PCDH9: variants seen among roughly 807,000 people sequenced by gnomAD.
PCDH9 encodes the protein protocadherin 9.
In PCDH9, 24 loss-of-function variants were observed where a neutral mutation model predicts 70.6. The ratio of observed to expected loss-of-function variants is 0.34; its 90% CI spans 0.25 to 0.48. PCDH9 has a LOEUF of 0.48. PCDH9 is among the 20% of genes least tolerant of loss of function. The pLI is 0.99. For missense variants in PCDH9, 1,281 were observed against 1,503.6 expected (o/e 0.85, Z 2.45); for synonymous variants, 562 against 558.5 (o/e 1.01, Z -0.09).
intron 3 of PCDH9, among the ~76,000 whole-genome samples, chr13:66,798,929 C>G (rs2080286237): frequency 6.6e-6 from 1 of 152,008 alleles, no homozygotes; most frequent in East Asian, 1.9e-4. Context: ...ATTCTCATGC[C>G]TCAACATCCT....
intron 3 of PCDH9, among the ~76,000 whole-genome samples, chr13:66,662,317 A>G (rs2078021868): frequency 6.6e-6 from 1 of 151,974 alleles, no homozygotes; most frequent in Non-Finnish European, 1.5e-5. Flanking sequence ...TACTAAAAAT[A>G]CAAAAATTAG....
chr13:66,408,535 A>AT (rs1486968521), intron 4 of PCDH9, among the ~76,000 whole-genome samples: 4 of 152,238 alleles, frequency 2.6e-5, no homozygotes, highest in Non-Finnish European at 5.9e-5. Flanking sequence ...GTTAAACATA[A>AT]TTACAGTCTT....
chr13:66,896,818 A>T, intron 3 of PCDH9, among the ~76,000 whole-genome samples: 1 of 152,114 alleles, frequency 6.6e-6, no homozygotes, highest in Non-Finnish European at 1.5e-5. Flanking sequence ...GGAGACAAAG[A>T]ACCAGTGGAA....
At chr13:66,538,152 A>G (rs1960786068) in intron 4 of PCDH9, among the ~76,000 whole-genome samples, 1 of 152,106 alleles carries the variant, frequency 6.6e-6, no homozygotes, top group East Asian at 1.9e-4. Flanking sequence ...ATTTTCATTA[A>G]TTACTGCTTT....
chr13:66,546,743 T>C (rs544510303), intron 4 of PCDH9, among the ~76,000 whole-genome samples: 9 of 152,332 alleles, frequency 5.9e-5, no homozygotes, highest in Admixed American at 5.9e-4. Context: ...CTATTTCCAG[T>C]CCTGCAAGCT....
chr13:66,659,553 T>TGTG (rs59132032), intron 3 of PCDH9, among the ~76,000 whole-genome samples: 7 of 148,878 alleles, frequency 4.7e-5, no homozygotes, highest in South Asian at 4.2e-4. Flanking sequence ...GTGTGTGTGT[T>TGTG]TGTGTGTGTT....
chr13:66,764,185 A>T (rs964132063), intron 3 of PCDH9, among the ~76,000 whole-genome samples: 10 of 151,834 alleles, frequency 6.6e-5, no homozygotes, highest in Non-Finnish European at 1.0e-4. Flanking sequence ...TATGGACAAG[A>T]TTTATATATT....
chr13:66,730,907 G>A (rs1207376352), intron 3 of PCDH9, among the ~76,000 whole-genome samples: 1 of 56,360 alleles, frequency 1.8e-5, no homozygotes, highest in South Asian at 4.7e-4. Context: ...TTTTTTTTGT[G>A]GAGACAGAGG....
intron 3 of PCDH9, among the ~76,000 whole-genome samples, chr13:66,762,969 T>G (rs1025430599): frequency 2.0e-5 from 3 of 151,950 alleles, no homozygotes; most frequent in Non-Finnish European, 4.4e-5. Flanking sequence ...TAAGACTATT[T>G]TTTTTTGAGA....
chr13:66,744,475 C>T (rs1363194493), intron 3 of PCDH9, among the ~76,000 whole-genome samples: 2 of 152,148 alleles, frequency 1.3e-5, no homozygotes, highest in Non-Finnish European at 2.9e-5. Flanking sequence ...CGACCAATCT[C>T]TTGTCCTAAA....
At chr13:66,738,311 G>C (rs2079191486) in intron 3 of PCDH9, among the ~76,000 whole-genome samples, 1 of 151,622 alleles carries the variant, frequency 6.6e-6, no homozygotes, top group Admixed American at 6.6e-5. Flanking sequence ...CTAACAAACA[G>C]AAAGGACATC....
chr13:67,114,901 T>C (rs1014375475), intron 2 of PCDH9, among the ~76,000 whole-genome samples: 9 of 152,250 alleles, frequency 5.9e-5, no homozygotes, highest in African/African-American at 2.2e-4. Flanking sequence ...GTTTTGAGTA[T>C]ATTTTATGTG....
intron 3 of PCDH9, among the ~76,000 whole-genome samples, chr13:66,865,190 C>T (rs2081552252): frequency 6.6e-6 from 1 of 151,982 alleles, no homozygotes; most frequent in Non-Finnish European, 1.5e-5. Context: ...AATTTTTAGA[C>T]GTGGTTAAAA....
intron 4 of PCDH9, among the ~76,000 whole-genome samples, chr13:66,354,029 GC>G (rs1956338983): frequency 6.6e-6 from 1 of 152,146 alleles, no homozygotes; most frequent in African/African-American, 2.4e-5. Context: ...GCTTTTAGGA[GC>G]TTTGATAATA....
chr13:66,422,658 G>A (rs544534046), intron 4 of PCDH9, among the ~76,000 whole-genome samples: 2 of 152,274 alleles, frequency 1.3e-5, no homozygotes, highest in East Asian at 1.9e-4. Context: ...CTAAAGCAGT[G>A]TTCAGAGGGA....
At chr13:66,658,057 G>T (rs1483636715) in intron 3 of PCDH9, among the ~76,000 whole-genome samples, 1 of 152,118 alleles carries the variant, frequency 6.6e-6, no homozygotes, top group Non-Finnish European at 1.5e-5. Flanking sequence ...AATATGGGAG[G>T]ATATGCCTAG....
chr13:66,412,074 TA>T (rs1461625238), intron 4 of PCDH9, among the ~76,000 whole-genome samples: 8 of 152,232 alleles, frequency 5.3e-5, no homozygotes, highest in African/African-American at 1.9e-4. Flanking sequence ...AAGACACATA[TA>T]AAACTGTCAA....
At chr13:66,872,848 G>A (rs1328486024) in intron 3 of PCDH9, among the ~76,000 whole-genome samples, 1 of 152,030 alleles carries the variant, frequency 6.6e-6, no homozygotes, top group East Asian at 1.9e-4. Context: ...TCTGAAATCA[G>A]AAATATTTTT....
chr13:67,079,997 G>T (rs2085952622), intron 2 of PCDH9, among the ~76,000 whole-genome samples: 1 of 152,014 alleles, frequency 6.6e-6, no homozygotes. Flanking sequence ...TCTTTTTAAG[G>T]CCAAATCAAT....
Sources: allele counts gnomAD v4.1 joint callset (sites outside exome capture counted in the v4.1 genomes callset), GRCh38; gene constraint gnomAD v4.1.1; transcripts MANE v1.5; gene names NCBI Gene and HGNC (gene_info 2026-07-23, HGNC 2026-07-21).